THNSL1: variants seen among roughly 807,000 people sequenced by gnomAD.
The protein encoded by THNSL1 is threonine synthase like 1.
Under a neutral mutation model 50.4 loss-of-function variants are expected in THNSL1, and 48 were observed. The observed-to-expected ratio is 0.95, with a 90% CI of 0.76 to 1.21. The LOEUF is 1.21. THNSL1 is among the 50% of genes most tolerant of loss of function. The pLI is 0.00. For missense variants in THNSL1, 896 were observed against 871.7 expected (o/e 1.03, Z -0.35); for synonymous variants, 309 against 306.1 (o/e 1.01, Z -0.10).
chr10:24,973,644 T>C, the THNSL1 span, among the ~76,000 whole-genome samples: 1 of 152,120 alleles, frequency 6.6e-6, no homozygotes, highest in Non-Finnish European at 1.5e-5. Flanking sequence ...AAAAATTGTA[T>C]CTTAAGTTGA....
At chr10:24,968,050 T>A in the THNSL1 span, among the ~76,000 whole-genome samples, 1 of 149,758 alleles carries the variant, frequency 6.7e-6, no homozygotes, top group South Asian at 2.2e-4. Flanking sequence ...CTGCTGGTAG[T>A]CCTGGCCACC....
chr10:24,963,517 T>C, the THNSL1 span, among the ~76,000 whole-genome samples: 38 of 152,346 alleles, frequency 2.5e-4, no homozygotes, highest in Admixed American at 1.3e-3. Context: ...GAGGTTGTTA[T>C]TATTCAGGAA....
At chr10:24,959,320 G>T in the THNSL1 span, among the ~76,000 whole-genome samples, 2 of 152,192 alleles carry the variant, frequency 1.3e-5, no homozygotes, top group African/African-American at 4.8e-5. Flanking sequence ...ACAGCCACTG[G>T]CAATATCCCA....
the THNSL1 span, among the ~76,000 whole-genome samples, chr10:24,955,007 G>C: frequency 6.6e-6 from 1 of 152,112 alleles, no homozygotes; most frequent in Non-Finnish European, 1.5e-5. Context: ...CCTTAGACCT[G>C]GATAATTTAT....
the THNSL1 span, among the ~76,000 whole-genome samples, chr10:24,975,680 C>A: frequency 6.6e-6 from 1 of 152,188 alleles, no homozygotes; most frequent in Non-Finnish European, 1.5e-5. Flanking sequence ...GATGTTCCTG[C>A]TTTCCCTTCC....
the THNSL1 span, among the ~76,000 whole-genome samples, chr10:24,995,081 C>T: frequency 6.6e-6 from 1 of 152,108 alleles, no homozygotes; most frequent in African/African-American, 2.4e-5. Flanking sequence ...TTTTCAGATA[C>T]AAATGAAGGA....
chr10:25,005,010 A>G, the THNSL1 span, among the ~76,000 whole-genome samples: 35 of 152,292 alleles, frequency 2.3e-4, no homozygotes, highest in African/African-American at 6.0e-4. Context: ...CCATTTATTG[A>G]ATATGAAGTC....
the THNSL1 span, among the ~76,000 whole-genome samples, chr10:24,980,246 C>T: frequency 6.6e-6 from 1 of 152,112 alleles, no homozygotes; most frequent in East Asian, 1.9e-4. Context: ...TTCACCCCAG[C>T]CCCATGGATG....
upstream of THNSL1, chr10:25,016,156 T>A (rs562056422): frequency 8.3e-7 from 1 of 1,209,844 alleles, no homozygotes; most frequent in Non-Finnish European, 1.0e-6. Context: ...CGTCGTTGAC[T>A]GTGCGGTTGC....
At position 25,024,504 on chromosome 10, in the gene THNSL1, T is replaced by C. The variant is rs186281715; in HGVS notation, c.1281T>C (p.Asn427=). Residue 427 remains asparagine, a synonymous_variant, in exon 3 of 3, where the codon AAT becomes AAC. Coordinates refer to ENST00000376356, the MANE Select transcript of THNSL1 (RefSeq NM_024838.5). ...KAQIIGSQRE[N]GWAVGVESDF... ...AAATAATTGGCAGTCAGAGAGAAAA[T>C]GGATGGGCAGTGGGTGTTGAGTCAG... 6.4e-5 allele frequency: 103 copies of C among 1,614,076 alleles called. No homozygotes were observed. The East Asian group carries it at 2.1e-3, about 32-fold the overall frequency.
chr10:24,990,653 A>G, the THNSL1 span: 114 of 1,548,770 alleles, frequency 7.4e-5, no homozygotes, highest in Admixed American at 9.5e-5. Flanking sequence ...TTTTGTATGC[A>G]ATCTTACATA....
At chr10:24,952,408 G>A in the THNSL1 span, 1 of 1,183,366 alleles carries the variant, frequency 8.5e-7, no homozygotes, top group Non-Finnish European at 1.2e-6. The surrounding 1 kb of genome is among the most constrained non-coding windows in gnomAD (Gnocchi z 5.1). Context: ...CCCGCCGGGA[G>A]GGAGAACAAA....
chr10:25,025,050 A>G lies in THNSL1; in HGVS notation c.1827A>G (p.Lys609=), dbSNP rs756359426. Residue 609 remains lysine (K), a synonymous_variant, in exon 3 of 3, where the codon AAA becomes AAG. Coordinates refer to ENST00000376356, the MANE Select transcript of THNSL1 (RefSeq NM_024838.5). ...AGATAGAAAAGGCTCTAGTTGAGAA[A>G]CTTCAGCAGGATTTTGTAGCTGACT... ...HFQIEKALVE[K]LQQDFVADWC... 6.2e-7 allele frequency: 1 copy of G among 1,614,248 alleles called. No individual in the cohort carries two copies. The highest frequency in any genetic ancestry group is 8.5e-7 in the Non-Finnish European group (1 of 1,180,038).
the THNSL1 span, among the ~76,000 whole-genome samples, chr10:24,960,161 T>C: frequency 6.6e-6 from 1 of 152,110 alleles, no homozygotes; most frequent in East Asian, 1.9e-4. Context: ...CCCTTTTGTC[T>C]CTCTCAGTGA....
the THNSL1 span, among the ~76,000 whole-genome samples, chr10:24,997,873 C>T: frequency 2.0e-5 from 3 of 151,432 alleles, no homozygotes; most frequent in Middle Eastern, 3.4e-3. Context: ...TATATGAGGA[C>T]CCAAGGGATA....
At chr10:25,003,168 TAA>T in the THNSL1 span, among the ~76,000 whole-genome samples, 6 of 150,666 alleles carry the variant, frequency 4.0e-5, no homozygotes, top group Admixed American at 2.0e-4. Flanking sequence ...TTTAATTAAT[TAA>T]TTAATTAATT....
the THNSL1 span, among the ~76,000 whole-genome samples, chr10:24,980,000 A>G: frequency 6.6e-6 from 1 of 152,222 alleles, no homozygotes; most frequent in Non-Finnish European, 1.5e-5. Flanking sequence ...TATTTCTTGA[A>G]GCCAACAGCT....
At chr10:24,982,208 T>C in the THNSL1 span, 1 of 152,230 alleles carries the variant, frequency 6.6e-6, no homozygotes, top group South Asian at 2.1e-4. Context: ...AAGGGGATTG[T>C]CATGGAAATG....
chr10:24,999,274 A>G, the THNSL1 span: 10 of 924,092 alleles, frequency 1.1e-5, no homozygotes, highest in African/African-American at 3.4e-5. Context: ...TCTCCTAGTC[A>G]AATTCTGTTT....
Sources: gnomAD v4.1 joint callset for allele counts (sites outside exome capture counted in the v4.1 genomes callset) on GRCh38, gnomAD v4.1.1 for gene constraint, Gnocchi (gnomAD v3.1) non-coding constraint, MANE v1.5 for transcripts, NCBI Gene and HGNC (gene_info 2026-07-23, HGNC 2026-07-21) for gene names.